The following LRP1B variants were observed in gnomAD, a reference collection of about 807,000 sequenced individuals.
LRP1B encodes the protein LDL receptor related protein 1B, also known as low-density lipoprotein receptor-related protein 1B.
A neutral mutation model predicts 556.6 loss-of-function variants in LRP1B; 217 were observed. That is an observed-to-expected ratio of 0.39 (90% CI 0.35 to 0.44). LRP1B has a LOEUF of 0.44. Among genes scored for constraint, LRP1B ranks in the 20% least tolerant of loss-of-function variants. LRP1B has a pLI of 1.00. For synonymous variants in LRP1B, 2,047 were observed against 1,865.8 expected, an observed-to-expected ratio of 1.10 and a Z score of -2.50; for missense variants, 5,053 against 5,620.8, an observed-to-expected ratio of 0.90 and a Z score of 3.23.
At chr2:140,690,297 A>G (rs1686191808) in intron 41 of LRP1B, among the ~76,000 whole-genome samples, 1 of 152,090 alleles carries the variant, frequency 6.6e-6, no homozygotes, top group South Asian at 2.1e-4. Flanking sequence ...TTGTCTAGTA[A>G]GGTCTCCACA....
At chr2:142,078,982 T>A (rs1309055456) in intron 1 of LRP1B, among the ~76,000 whole-genome samples, 1 of 152,202 alleles carries the variant, frequency 6.6e-6, no homozygotes, top group African/African-American at 2.4e-5. Flanking sequence ...TTTTCAAAAA[T>A]ACCTTATAGC....
intron 83 of LRP1B, among the ~76,000 whole-genome samples, chr2:140,300,333 C>T (rs1023413602): frequency 4.6e-5 from 7 of 152,092 alleles, no homozygotes; most frequent in African/African-American, 1.4e-4. Context: ...TGTTGCAGAA[C>T]TGTATAATGG....
At chr2:141,987,358 T>C (rs1205355713) in intron 1 of LRP1B, among the ~76,000 whole-genome samples, 1 of 151,918 alleles carries the variant, frequency 6.6e-6, no homozygotes, top group East Asian at 1.9e-4. Context: ...GTGTTACCTT[T>C]TTTGCATCTT....
chr2:141,074,605 A>ATATG, intron 7 of LRP1B, among the ~76,000 whole-genome samples: 1 of 130,254 alleles, frequency 7.7e-6, no homozygotes. Flanking sequence ...ATATATATAT[A>ATATG]TGTTTTTTAT....
At chr2:141,256,366 T>C (rs1484978288) in intron 3 of LRP1B, among the ~76,000 whole-genome samples, 1 of 151,558 alleles carries the variant, frequency 6.6e-6, no homozygotes, top group African/African-American at 2.4e-5. Context: ...TAATGCTTGA[T>C]GTAGTTAAAA....
intron 63 of LRP1B, among the ~76,000 whole-genome samples, chr2:140,446,535 C>T (rs564138669): frequency 1.3e-5 from 2 of 151,908 alleles, no homozygotes; most frequent in South Asian, 4.1e-4. Context: ...TGCATCTACC[C>T]GAAAGTGAAA....
intron 11 of LRP1B, among the ~76,000 whole-genome samples, chr2:141,044,970 C>T (rs1046001636): frequency 6.0e-5 from 9 of 150,794 alleles, no homozygotes; most frequent in East Asian, 4.0e-4. Context: ...CACAGGCACA[C>T]GTATGTTTAT....
At chr2:141,748,527 C>T (rs916856929) in intron 2 of LRP1B, among the ~76,000 whole-genome samples, 2 of 152,188 alleles carry the variant, frequency 1.3e-5, no homozygotes, top group Non-Finnish European at 2.9e-5. Context: ...CATCTGAACA[C>T]AGCCAGATAT....
chr2:141,236,816 G>A (rs1275386374), intron 5 of LRP1B, among the ~76,000 whole-genome samples: 1 of 152,138 alleles, frequency 6.6e-6, no homozygotes, highest in Non-Finnish European at 1.5e-5. Context: ...ATGTGGCAAT[G>A]TTCTTACTGG....
At chr2:140,796,115 G>A (rs971067174) in intron 32 of LRP1B, among the ~76,000 whole-genome samples, 3 of 151,534 alleles carry the variant, frequency 2.0e-5, no homozygotes, top group South Asian at 2.1e-4. Context: ...TTTCAAATTC[G>A]TTCATTTTTA....
chr2:141,660,219 C>T (rs898961510), intron 2 of LRP1B, among the ~76,000 whole-genome samples: 22 of 152,052 alleles, frequency 1.4e-4, no homozygotes, highest in Non-Finnish European at 2.5e-4. Context: ...ACCTGGGAGC[C>T]GGAACAAGGG....
At chr2:141,235,630 C>G (rs1444345296) in intron 5 of LRP1B, among the ~76,000 whole-genome samples, 1 of 152,008 alleles carries the variant, frequency 6.6e-6, no homozygotes, top group African/African-American at 2.4e-5. Flanking sequence ...AGAGATTGAC[C>G]TCAGTTTTTC....
chr2:140,540,537 C>A (rs1680095069), intron 45 of LRP1B, among the ~76,000 whole-genome samples: 1 of 152,082 alleles, frequency 6.6e-6, no homozygotes, highest in South Asian at 2.1e-4. Context: ...ACATAAGCTG[C>A]ATGAGCCATT....
intron 2 of LRP1B, among the ~76,000 whole-genome samples, chr2:141,582,330 A>G (rs987394830): frequency 6.6e-6 from 1 of 152,326 alleles, no homozygotes; most frequent in South Asian, 2.1e-4. Flanking sequence ...CAAGGAATTC[A>G]TGAGACGCAC....
chr2:141,781,569 T>G (rs1268131596), intron 2 of LRP1B, among the ~76,000 whole-genome samples: 1 of 152,150 alleles, frequency 6.6e-6, no homozygotes, highest in Non-Finnish European at 1.5e-5. Flanking sequence ...CAAAACTCCA[T>G]TAAAAATCAG....
At chr2:141,716,461 T>C (rs1692592064) in intron 2 of LRP1B, among the ~76,000 whole-genome samples, 1 of 152,206 alleles carries the variant, frequency 6.6e-6, no homozygotes, top group Admixed American at 6.5e-5. Context: ...ACTCTTTTTT[T>C]AGTGCTAGAA....
At chr2:140,943,340 C>T (rs1695454134) in intron 20 of LRP1B, among the ~76,000 whole-genome samples, 1 of 152,014 alleles carries the variant, frequency 6.6e-6, no homozygotes, top group Non-Finnish European at 1.5e-5. Flanking sequence ...CAATACCCCA[C>T]TGACAGCATT....
intron 86 of LRP1B, among the ~76,000 whole-genome samples, chr2:140,260,583 T>C (rs1681890417): frequency 6.6e-6 from 1 of 151,820 alleles, no homozygotes; most frequent in African/African-American, 2.4e-5. Flanking sequence ...TTTATATATA[T>C]TACATTAGCC....
chr2:140,314,596 C>T (rs1302854493), intron 83 of LRP1B, among the ~76,000 whole-genome samples: 3 of 151,996 alleles, frequency 2.0e-5, no homozygotes, highest in South Asian at 2.1e-4. Flanking sequence ...AGGAAAACTA[C>T]GTGCAACAAC....
Sources: gnomAD v4.1 joint callset for allele counts (sites outside exome capture counted in the v4.1 genomes callset) on GRCh38, gnomAD v4.1.1 for gene constraint, MANE v1.5 for transcripts, NCBI Gene and HGNC (gene_info 2026-07-23, HGNC 2026-07-21) for gene names.